MYBPC2: variants seen among roughly 807,000 people sequenced by gnomAD.
The protein encoded by MYBPC2 is myosin-binding protein C, fast-type.
MYBPC2 carries 122 observed loss-of-function variants against 137.0 expected under a neutral mutation model. The observed-to-expected ratio is 0.89, with a 90% CI of 0.77 to 1.03. MYBPC2 has a LOEUF of 1.03. Ranked by LOEUF, MYBPC2 falls within the 50% of genes least tolerant of loss-of-function variation. MYBPC2 has a pLI of 0.00. For synonymous variants in MYBPC2, 626 were observed against 612.3 expected (o/e 1.02, Z -0.33); for missense variants, 1,500 against 1,534.4 (o/e 0.98, Z 0.37).
chr19:50,455,524 C>CCCCT lies in MYBPC2; in HGVS notation c.2219_2222dup (p.His742ProfsTer219), dbSNP rs757840847. 31 of 1,613,716 alleles carry CCCCT rather than the reference C, an allele frequency of 1.9e-5. No individual in the cohort carries two copies. The highest frequency in any genetic ancestry group is 1.6e-4 in the Middle Eastern group (1 of 6,082). ...GATGCTTGCAGCACCCACGAGTGAACCCCTGCACCTGATAGTGGAGGATGT... is the reference window on the plus strand; with the variant it reads ...GATGCTTGCAGCACCCACGAGTGAACCCCTCCCTGCACCTGATAGTGGAGGATGT... On this transcript the variant is annotated frameshift_variant, in exon 20 of 28. Coordinates refer to ENST00000357701, the MANE Select transcript of MYBPC2 (RefSeq NM_004533.4). LOFTEE classifies it high-confidence loss of function.
At position 50,464,369 on chromosome 19, in the gene MYBPC2, C is replaced by A. The variant is rs771779603; in HGVS notation, c.3252C>A (p.Asn1084Lys). The A allele has an allele frequency of 2.2e-5, 36 of 1,609,386 alleles. No individual in the cohort carries two copies. The East Asian group carries it at 7.8e-4, about 35-fold the overall frequency. Reference protein sequence around the residue: ...HPKPKVVWMKNKMEIREDPKF... With the variant: ...HPKPKVVWMKKKMEIREDPKF... ...AGCCGAAGGTGGTCTGGATGAAGAA[C>A]AAGATGGAAATCCGTGAAGATCCCA... The change falls in exon 27 of 28, where the codon AAC becomes AAA. Residue 1084 changes from asparagine to lysine, a missense_variant. Asn to Lys is a moderately conservative substitution (Grantham distance 94, BLOSUM62 0). Coordinates refer to ENST00000357701, the MANE Select transcript of MYBPC2 (RefSeq NM_004533.4).
intron 21 of MYBPC2, 80 bp from the exon 22 acceptor site, chr19:50,458,838 C>G: frequency 6.3e-7 from 1 of 1,595,274 alleles, no homozygotes; most frequent in Non-Finnish European, 8.5e-7. Flanking sequence ...CAGGACCTCC[C>G]CAGAGAGCCT....
chr19:50,447,078 G>A (rs1366645794), intron 12 of MYBPC2, among the ~76,000 whole-genome samples: 1 of 151,804 alleles, frequency 6.6e-6, no homozygotes, highest in Non-Finnish European at 1.5e-5. Context: ...TGCCTGGACT[G>A]GTGCAGTTGT....
At position 50,436,133 on chromosome 19, in the gene MYBPC2, C is replaced by G; in HGVS notation, c.318C>G (p.Phe106Leu). 2.5e-6 allele frequency: 4 copies of G among 1,582,080 alleles called. No individual in the cohort carries two copies. Among genetic ancestry groups the G allele is most frequent in the Non-Finnish European group, 2.6e-6 (3 of 1,164,436 alleles). ...LGSKSGARFS[F>L]KESHNSASNV... ...GCAAGAGTGGCGCCCGCTTCTCCTT[C>G]AAGGAGTCCCACAACTCCGCCAGCA... The change falls in exon 4 of 28, where the codon TTC becomes TTG. Residue 106 changes from phenylalanine (F) to leucine (L), a missense_variant. Coordinates refer to ENST00000357701, the MANE Select transcript of MYBPC2 (RefSeq NM_004533.4).
In MYBPC2 at chr19:50,432,924, G is replaced by A. The variant is rs756758827; in HGVS notation, c.-30G>A. On this transcript the variant is annotated 5_prime_UTR_variant, in exon 1 of 28. Coordinates refer to ENST00000357701, the MANE Select transcript of MYBPC2 (RefSeq NM_004533.4). This position sits in a 1 kb window ranked among gnomAD's most constrained non-coding sequence, Gnocchi z 5.5. ...CTAGGGCCTAGCGGGACGCGGCTGC[G>A]GTCAGAGGAGCAGGAGGAGGTCCCC... is the stretch of plus-strand genomic sequence containing the variant. 1 of 1,604,296 alleles carries A rather than the reference G, an allele frequency of 6.2e-7. No homozygotes were observed.
At chr19:50,437,857 C>A in intron 7 of MYBPC2, 139 bp downstream of exon 7, 1 of 978,798 alleles carries the variant, frequency 1.0e-6, no homozygotes, top group Non-Finnish European at 1.5e-6. Context: ...TCCCTGCCCA[C>A]CCAGCATCTA....
rs1447224615 is a variant in MYBPC2 at position 50,458,732 on chromosome 19, G to A, written c.2484G>A (p.Pro828=). 6.8e-6 allele frequency: 11 copies of A among 1,608,744 alleles called. No homozygotes were observed. Among genetic ancestry groups the A allele is most frequent in the Non-Finnish European group, 8.5e-6 (10 of 1,179,824 alleles). ...GRSEPATLAQ[P]VTIREIAEPP... ...GCGAGCCGGCCACCCTGGCCCAGCC[G>A]GTCACCATCAGGGAGATTGCGGGTG... The change falls in exon 21 of 28, where the codon CCG becomes CCA. Residue 828 remains proline, a synonymous_variant. Transcript: ENST00000357701.
chr19:50,450,819 C>A lies in MYBPC2; in HGVS notation c.1473-10C>A, dbSNP rs200859594. The stretch of plus-strand genomic sequence containing the variant: ...TGGTTCGAGCCCTACCCTGCTCCCC[C>A]ACCCCTTAGGTTCCACAAGCTGGTG... On this transcript the variant is annotated splice_polypyrimidine_tract_variant and intron_variant, in intron 13 of 27. Coordinates refer to ENST00000357701, the MANE Select transcript of MYBPC2 (RefSeq NM_004533.4). 5.8e-5 allele frequency: 91 copies of A among 1,556,602 alleles called. No individual in the cohort carries two copies. In the East Asian group the frequency reaches 6.5e-4, roughly 11 times the overall value.
Position 50,458,236 on chromosome 19 carries a change from G to C in MYBPC2, c.2339-351G>C, listed in dbSNP as rs188598972. Among the ~76,000 whole-genome samples the C allele has an allele frequency of 2.9e-3, 437 of 150,726 alleles. 1 individual carries two copies. Among genetic ancestry groups the C allele is most frequent in the African/African-American group, 0.01 (424 of 40,732 alleles). The stretch of plus-strand genomic sequence containing the variant: ...GAGGCAGGAGAATTACTTGAACCTG[G>C]GAGGCGGAGGTTGCAGTGAGCCAAG... On this transcript the variant is annotated intron_variant, in intron 20 of 27. Transcript: ENST00000357701.
rs1217123330 is a variant in MYBPC2 at position 50,451,985 on chromosome 19, C to T, written c.1731C>T (p.Thr577=). ...CAGGGGAGCCCCCTCCCGTCGCTACCTGGCTGAAGGGAGATGAGGTGGGTT... is the reference window on the plus strand; with the variant it reads ...CAGGGGAGCCCCCTCCCGTCGCTACTTGGCTGAAGGGAGATGAGGTGGGTT... The part of the protein sequence containing the change: ...SITGEPPPVA[T]WLKGDEVFTT... Residue 577 remains threonine (T), a synonymous_variant, in exon 16 of 28, where the codon ACC becomes ACT. Coordinates refer to ENST00000357701, the MANE Select transcript of MYBPC2 (RefSeq NM_004533.4). 1 of 1,552,726 alleles carries T rather than the reference C, an allele frequency of 6.4e-7. No individual in the cohort carries two copies.
Position 50,452,366 on chromosome 19 carries a change from A to AATTT in MYBPC2, c.1749+365_1749+368dup, listed in dbSNP as rs1254965652. Among the ~76,000 whole-genome samples, 8 of 152,242 alleles carry AATTT rather than the reference A, an allele frequency of 5.3e-5. No individual in the cohort carries two copies. The East Asian group carries it at 1.5e-3, about 29-fold the overall frequency. ...CTGTTTGTCCATTTATCCATCAACC[A>AATTT]ATTTAGTTATCCATTCATCCAGAAA... On this transcript the variant is annotated intron_variant, in intron 16 of 27. Coordinates refer to ENST00000357701, the MANE Select transcript of MYBPC2 (RefSeq NM_004533.4).
Position 50,459,281 on chromosome 19 carries a change from C to G in MYBPC2, c.2766C>G (p.Thr922=). Residue 922 remains threonine, a synonymous_variant, in exon 23 of 28, where the codon ACC becomes ACG. Transcript: ENST00000357701. ...TGCAGATCGAGAACATGAAGGACAC[C>G]GCCACCATCCGCATCCGCGTTGTGG... ...LSVQIENMKD[T]ATIRIRVVEK... is the part of the protein sequence containing the mutation. 1 of 1,607,164 alleles carries G rather than the reference C, an allele frequency of 6.2e-7. No homozygotes were observed. The highest frequency in any genetic ancestry group is 8.5e-7 in the Non-Finnish European group (1 of 1,177,444).
intron 11 of MYBPC2, among the ~76,000 whole-genome samples, chr19:50,445,434 C>A (rs1273416178): frequency 5.3e-5 from 8 of 151,130 alleles, no homozygotes; most frequent in Admixed American, 5.3e-4. Context: ...ACTCTGTCAC[C>A]CAGGCTGGAG....
At chr19:50,462,669 C>T (rs901380828) in intron 26 of MYBPC2, among the ~76,000 whole-genome samples, 3 of 152,126 alleles carry the variant, frequency 2.0e-5, no homozygotes, top group Admixed American at 1.3e-4. Flanking sequence ...AACCGCCTCC[C>T]AAGTTCAAGC....
intron 25 of MYBPC2, 98 bp from the exon 26 acceptor site, chr19:50,461,802 A>C: frequency 6.3e-7 from 1 of 1,584,612 alleles, no homozygotes. Context: ...GGTTGACGGC[A>C]CCTAGTCATG....
Position 50,452,276 on chromosome 19 carries a change from G to C in MYBPC2, c.1749+273G>C, listed in dbSNP as rs148210185. On this transcript the variant is annotated intron_variant, in intron 16 of 27. Coordinates refer to ENST00000357701, the MANE Select transcript of MYBPC2 (RefSeq NM_004533.4). Reference sequence around the variant, plus strand: ...AGCCAGTAACTCATCCGCCCATCCAGCTGATGATTTTTTCATCAACTAATT... The same window carrying C: ...AGCCAGTAACTCATCCGCCCATCCACCTGATGATTTTTTCATCAACTAATT... Among the ~76,000 whole-genome samples the C allele has an allele frequency of 4.0e-3, 612 of 152,270 alleles. 5 individuals carry two copies. The highest frequency in any genetic ancestry group is 0.014 in the African/African-American group (587 of 41,550).
Position 50,442,332 on chromosome 19 carries a change from G to A in MYBPC2, c.902+19G>A, listed in dbSNP as rs1189952271. On this transcript the variant is annotated intron_variant, in intron 9 of 27. Transcript: ENST00000357701. ...GCAGCAAGTATGTGTGGGGTGGGCA[G>A]TCCCTGCACCGGGGAGATCCCCGTC... 1 of 1,605,502 alleles carries A rather than the reference G, an allele frequency of 6.2e-7. No individual in the cohort carries two copies. Among genetic ancestry groups the A allele is most frequent in the African/African-American group, 1.3e-5 (1 of 74,762 alleles).
In MYBPC2 at chr19:50,455,210, G is replaced by T. The variant is rs751103771; in HGVS notation, c.2117G>T (p.Gly706Val). 6.2e-7 allele frequency: 1 copy of T among 1,613,864 alleles called. No individual in the cohort carries two copies. Among genetic ancestry groups the T allele is most frequent in the Non-Finnish European group, 8.5e-7 (1 of 1,179,852 alleles). The change falls in exon 19 of 28, where the codon GGC becomes GTC. Residue 706 changes from glycine (G) to valine (V), a missense_variant. Gly to Val is a moderately radical substitution (Grantham distance 109). Coordinates refer to ENST00000357701, the MANE Select transcript of MYBPC2 (RefSeq NM_004533.4). ...TTYESTKMIE[G>V]ILYEMRVFAV... ...TATGAGTCCACCAAGATGATCGAGG[G>T]CATCCTCTATGAGATGCGTGTCTTC...
rs759211527 is a variant in MYBPC2 at position 50,454,116 on chromosome 19, T to C, written c.1846T>C (p.Tyr616His). Reference protein sequence around the residue: ...ESAQREDEGRYTIKVTNPVGE... With the variant: ...ESAQREDEGRHTIKVTNPVGE... ...TGCGCAGCGGGAAGACGAGGGCCGC[T>C]ACACCATCAAGGTCACCAACCCCGT... The change falls in exon 17 of 28, where the codon TAC (tyrosine) becomes CAC (histidine). Residue 616 changes from tyrosine (Y) to histidine (H), a missense_variant. Transcript: ENST00000357701. 2.9e-5 allele frequency: 47 copies of C among 1,613,074 alleles called. No individual in the cohort carries two copies. Among genetic ancestry groups the C allele is most frequent in the Middle Eastern group, 1.6e-4 (1 of 6,084 alleles).
Sources: gnomAD v4.1 joint callset for allele counts (sites outside exome capture counted in the v4.1 genomes callset) on GRCh38, gnomAD v4.1.1 for gene constraint, Gnocchi (gnomAD v3.1) non-coding constraint, MANE v1.5 for transcripts, NCBI Gene and HGNC (gene_info 2026-07-23, HGNC 2026-07-21) for gene names.